GALNT13: variants seen among roughly 807,000 people sequenced by gnomAD.
The protein encoded by GALNT13 is polypeptide N-acetylgalactosaminyltransferase 13.
In GALNT13, 28 loss-of-function variants were observed where a neutral mutation model predicts 64.2. The observed-to-expected ratio is 0.44, with a 90% CI of 0.32 to 0.60. The LOEUF (loss-of-function observed/expected upper bound fraction) is 0.60. Among genes scored for constraint, GALNT13 ranks in the 20% least tolerant of loss-of-function variants. GALNT13 has a pLI of 0.05. For synonymous variants in GALNT13, 214 were observed against 224.6 expected, an observed-to-expected ratio of 0.95 and a Z score of 0.42; for missense variants, 577 against 669.8, an observed-to-expected ratio of 0.86 and a Z score of 1.53.
the GALNT13 span, among the ~76,000 whole-genome samples, chr2:153,821,328 C>T: frequency 2.6e-5 from 4 of 152,184 alleles, no homozygotes; most frequent in Non-Finnish European, 4.4e-5. Context: ...TTAAGATCAA[C>T]CACATGGTTG....
the GALNT13 span, among the ~76,000 whole-genome samples, chr2:153,191,866 T>C: frequency 6.6e-6 from 1 of 152,076 alleles, no homozygotes; most frequent in Non-Finnish European, 1.5e-5. Flanking sequence ...TTTACAGAAG[T>C]CTCTGATGTT....
intron 3 of GALNT13, among the ~76,000 whole-genome samples, chr2:154,060,081 A>G (rs1282336684): frequency 6.6e-6 from 1 of 152,194 alleles, no homozygotes; most frequent in Non-Finnish European, 1.5e-5. Context: ...CAAGAGGAAG[A>G]AAAACCAGAG....
At chr2:154,442,269 A>G (rs1349821233) in intron 12 of GALNT13, among the ~76,000 whole-genome samples, 2 of 152,174 alleles carry the variant, frequency 1.3e-5, no homozygotes, top group South Asian at 4.1e-4. Context: ...TCAGCTATAC[A>G]TATTCATAAT....
intron 3 of GALNT13, among the ~76,000 whole-genome samples, chr2:154,032,071 G>A (rs1419761421): frequency 2.6e-5 from 4 of 151,520 alleles, no homozygotes; most frequent in African/African-American, 9.7e-5. Flanking sequence ...TACTATAAAA[G>A]TAAGTGCAAA....
intron 4 of GALNT13, among the ~76,000 whole-genome samples, chr2:154,239,937 A>T (rs1468531845): frequency 6.6e-6 from 1 of 152,130 alleles, no homozygotes; most frequent in African/African-American, 2.4e-5. Context: ...CTCCCTTGTG[A>T]AGGAAACTAA....
the GALNT13 span, among the ~76,000 whole-genome samples, chr2:153,151,389 A>G: frequency 1.3e-5 from 2 of 152,166 alleles, no homozygotes; most frequent in Admixed American, 1.3e-4. Flanking sequence ...GTGGGACTGT[A>G]AACTAGTTCA....
At chr2:153,200,425 A>G in the GALNT13 span, among the ~76,000 whole-genome samples, 1 of 152,232 alleles carries the variant, frequency 6.6e-6, no homozygotes, top group Non-Finnish European at 1.5e-5. Flanking sequence ...ATTAGAACTA[A>G]GACAAATAGT....
chr2:153,610,093 C>T, the GALNT13 span, among the ~76,000 whole-genome samples: 1 of 152,066 alleles, frequency 6.6e-6, no homozygotes, highest in Non-Finnish European at 1.5e-5. Context: ...AGAGAATGTG[C>T]TCATATCCCA....
the GALNT13 span, among the ~76,000 whole-genome samples, chr2:153,069,111 T>G: frequency 6.6e-6 from 1 of 152,126 alleles, no homozygotes; most frequent in Non-Finnish European, 1.5e-5. Context: ...TAGGAGACAT[T>G]TGGGTGGTGC....
chr2:153,672,974 C>A, the GALNT13 span, among the ~76,000 whole-genome samples: 2 of 152,134 alleles, frequency 1.3e-5, no homozygotes, highest in African/African-American at 2.4e-5. Context: ...TTGATAAATT[C>A]TTGGACACAT....
the GALNT13 span, among the ~76,000 whole-genome samples, chr2:153,489,587 T>C: frequency 1.3e-5 from 2 of 152,172 alleles, no homozygotes; most frequent in Non-Finnish European, 2.9e-5. Context: ...TTATATTTCA[T>C]TGTTGTAGTC....
intron 8 of GALNT13, among the ~76,000 whole-genome samples, chr2:154,301,058 T>C (rs1005225767): frequency 1.3e-5 from 2 of 152,168 alleles, no homozygotes; most frequent in Non-Finnish European, 2.9e-5. Context: ...TCAAATTTAG[T>C]TTTTGACAAT....
At chr2:153,887,794 G>T (rs1687289245) in intron 1 of GALNT13, among the ~76,000 whole-genome samples, 1 of 151,934 alleles carries the variant, frequency 6.6e-6, no homozygotes, top group African/African-American at 2.4e-5. Context: ...TTTTCTTGTG[G>T]AAGAGGCTTA....
At chr2:153,273,299 T>C in the GALNT13 span, among the ~76,000 whole-genome samples, 1 of 152,102 alleles carries the variant, frequency 6.6e-6, no homozygotes, top group Non-Finnish European at 1.5e-5. Context: ...AATGAACCAC[T>C]GCAAAATGTA....
At chr2:154,027,685 TAAG>T (rs1698069046) in intron 3 of GALNT13, among the ~76,000 whole-genome samples, 1 of 152,092 alleles carries the variant, frequency 6.6e-6, no homozygotes, top group African/African-American at 2.4e-5. Flanking sequence ...TTCCTAGAGT[TAAG>T]AAAAGAATGT....
Position 154,231,283 on chromosome 2 carries a change from T to C in GALNT13, c.312-10747T>C, listed in dbSNP as rs144037567. ...TTCCTGTCAAAGGCAATTTCTTTCA[T>C]AAGTGGGTTGCCAGTGCTAGTTGCT... On this transcript the variant is annotated intron_variant, in intron 4 of 12. Coordinates refer to ENST00000392825, the MANE Select transcript of GALNT13 (RefSeq NM_052917.4). Among the ~76,000 whole-genome samples, 26 of 152,224 alleles carry C rather than the reference T, an allele frequency of 1.7e-4. No individual in the cohort carries two copies. In the East Asian group the frequency reaches 4.6e-3, roughly 27 times the overall value.
chr2:153,490,018 C>T, the GALNT13 span, among the ~76,000 whole-genome samples: 1 of 151,256 alleles, frequency 6.6e-6, no homozygotes, highest in African/African-American at 2.4e-5. Flanking sequence ...CACAAACACA[C>T]AATACAAAAC....
At chr2:153,753,584 C>T in the GALNT13 span, among the ~76,000 whole-genome samples, 10 of 152,292 alleles carry the variant, frequency 6.6e-5, no homozygotes, top group African/African-American at 2.4e-4. Flanking sequence ...CTTAGTTTCT[C>T]TCAAACAAAT....
At chr2:153,573,441 T>G in the GALNT13 span, among the ~76,000 whole-genome samples, 1 of 152,054 alleles carries the variant, frequency 6.6e-6, no homozygotes, top group Non-Finnish European at 1.5e-5. Context: ...TCCATTTACA[T>G]TCAGTGTTAT....
Sources: allele counts gnomAD v4.1 joint callset (sites outside exome capture counted in the v4.1 genomes callset), GRCh38; gene constraint gnomAD v4.1.1; transcripts MANE v1.5; gene names NCBI Gene and HGNC (gene_info 2026-07-23, HGNC 2026-07-21).